Variants in SLC39A11 observed in about 807,000 individuals in gnomAD.
The protein encoded by SLC39A11 is zinc transporter ZIP11.
A neutral mutation model predicts 36.1 loss-of-function variants in SLC39A11; 33 were observed. That is an observed-to-expected ratio of 0.91 (90% CI 0.69 to 1.22). The LOEUF is 1.22. SLC39A11 is among the 50% of genes most tolerant of loss of function. SLC39A11 has a pLI of 0.00. For missense variants in SLC39A11, 432 were observed against 430.3 expected, an observed-to-expected ratio of 1.00 and a Z score of -0.03; for synonymous variants, 166 against 170.3, an observed-to-expected ratio of 0.97 and a Z score of 0.20.
At chr17:73,079,807 CAAGATT>C in intron 3 of SLC39A11, among the ~76,000 whole-genome samples, 1 of 152,262 alleles carries the variant, frequency 6.6e-6, no homozygotes, top group Non-Finnish European at 1.5e-5. Context: ...TTTCAGGATA[CAAGATT>C]AATGTATACA....
At chr17:72,779,329 G>A (rs1410285579) in intron 6 of SLC39A11, among the ~76,000 whole-genome samples, 2 of 152,110 alleles carry the variant, frequency 1.3e-5, no homozygotes, top group African/African-American at 2.4e-5. Context: ...GGAGGCTGAG[G>A]AAGGAGAATC....
chr17:72,851,751 T>C (rs2079339170), intron 5 of SLC39A11, among the ~76,000 whole-genome samples: 1 of 152,194 alleles, frequency 6.6e-6, no homozygotes, highest in Non-Finnish European at 1.5e-5. Flanking sequence ...AATGCCTAAC[T>C]GTAACCAATT....
chr17:72,991,466 TC>T (rs1291568878), intron 4 of SLC39A11, among the ~76,000 whole-genome samples: 1 of 152,254 alleles, frequency 6.6e-6, no homozygotes, highest in Admixed American at 6.5e-5. Flanking sequence ...GAAGCAATTC[TC>T]CTGCCTCAGC....
intron 7 of SLC39A11, among the ~76,000 whole-genome samples, chr17:72,729,159 A>G (rs2074049833): frequency 6.6e-6 from 1 of 151,874 alleles, no homozygotes; most frequent in South Asian, 2.1e-4. Flanking sequence ...TCTTGCCTGC[A>G]TCGGAACCCA....
chr17:73,059,990 AC>A (rs1480598945), intron 3 of SLC39A11, among the ~76,000 whole-genome samples: 1 of 151,976 alleles, frequency 6.6e-6, no homozygotes, highest in East Asian at 1.9e-4. Flanking sequence ...CAGGTGGATC[AC>A]CTGAGGTCAG....
chr17:72,952,253 T>C (rs982871835), intron 4 of SLC39A11, among the ~76,000 whole-genome samples: 1 of 152,208 alleles, frequency 6.6e-6, no homozygotes, highest in Non-Finnish European at 1.5e-5. Flanking sequence ...CAGGGCTCTT[T>C]TTAGACACCT....
At chr17:72,914,146 C>T (rs527886921) in intron 5 of SLC39A11, among the ~76,000 whole-genome samples, 1 of 151,914 alleles carries the variant, frequency 6.6e-6, no homozygotes, top group Non-Finnish European at 1.5e-5. Context: ...GAAACCCTGT[C>T]TCTACCAAAA....
At chr17:72,862,649 T>C (rs1364100031) in intron 5 of SLC39A11, among the ~76,000 whole-genome samples, 1 of 152,134 alleles carries the variant, frequency 6.6e-6, no homozygotes, top group Non-Finnish European at 1.5e-5. Context: ...CCATTTCAGC[T>C]ACGGGCAGAC....
At chr17:72,934,213 A>G (rs1038325588) in intron 5 of SLC39A11, among the ~76,000 whole-genome samples, 2 of 151,412 alleles carry the variant, frequency 1.3e-5, no homozygotes, top group African/African-American at 4.8e-5. Flanking sequence ...TTCATAAAAC[A>G]AAAAAAAAGA....
chr17:72,781,189 G>A (rs1197251372), intron 6 of SLC39A11, among the ~76,000 whole-genome samples: 1 of 152,020 alleles, frequency 6.6e-6, no homozygotes, highest in Non-Finnish European at 1.5e-5. Flanking sequence ...GAAAACCTGG[G>A]AAACTCAACA....
At chr17:72,910,623 CAAAAAAAA>C (rs759842114) in intron 5 of SLC39A11, among the ~76,000 whole-genome samples, 6 of 50,014 alleles carry the variant, frequency 1.2e-4, no homozygotes, top group African/African-American at 5.7e-4. Flanking sequence ...GACTCCGTCT[CAAAAAAAA>C]AAAAAAAAAA....
At chr17:72,754,024 A>G (rs1161510834) in intron 6 of SLC39A11, among the ~76,000 whole-genome samples, 18 of 25,120 alleles carry the variant, frequency 7.2e-4, no homozygotes, top group East Asian at 2.5e-3. Flanking sequence ...ATATATGTAT[A>G]TATATATATA....
intron 7 of SLC39A11, among the ~76,000 whole-genome samples, chr17:72,680,765 T>C (rs543017761): frequency 6.6e-6 from 1 of 152,362 alleles, no homozygotes; most frequent in East Asian, 1.9e-4. Flanking sequence ...GGTTCATCCA[T>C]ATTGAATCAT....
rs1462335159 is a variant in SLC39A11 at position 73,006,405 on chromosome 17, C to A, written c.306+25151G>T. ...AATCCAGCCAGTTTTGTACAGCCCACGAGCTAAGGATGTGTTTTACATTTT... is the reference window on the plus strand; with the variant it reads ...AATCCAGCCAGTTTTGTACAGCCCAAGAGCTAAGGATGTGTTTTACATTTT... On this transcript the variant is annotated intron_variant, in intron 4 of 9. Coordinates refer to ENST00000255559, the MANE Select transcript of SLC39A11 (RefSeq NM_139177.4). Among the ~76,000 whole-genome samples the A allele has an allele frequency of 4.6e-5, 7 of 151,724 alleles. 1 individual carries two copies. Among genetic ancestry groups the A allele is most frequent in the African/African-American group, 2.4e-5 (1 of 41,238 alleles).
intron 5 of SLC39A11, among the ~76,000 whole-genome samples, chr17:72,876,725 T>G (rs1306693254): frequency 6.6e-6 from 1 of 152,190 alleles, no homozygotes; most frequent in Admixed American, 6.5e-5. Context: ...CACACATGGT[T>G]CCATTTCTTC....
At chr17:73,037,020 A>AAC (rs370793252) in intron 3 of SLC39A11, among the ~76,000 whole-genome samples, 145,267 of 152,164 alleles carry the variant, frequency 0.95, 69,717 homozygotes, top group East Asian at 1. Context: ...CTTGGTTTTT[A>AAC]ATGCATTTAA....
chr17:72,900,068 G>GAGAGAGAA (rs545652642), intron 5 of SLC39A11, among the ~76,000 whole-genome samples: 1 of 147,412 alleles, frequency 6.8e-6, no homozygotes, highest in Non-Finnish European at 1.5e-5. Flanking sequence ...AAGAAAGAGA[G>GAGAGAGAA]AGAGAGAAAG....
At chr17:72,700,006 C>T (rs953723394) in intron 7 of SLC39A11, among the ~76,000 whole-genome samples, 10 of 140,374 alleles carry the variant, frequency 7.1e-5, no homozygotes, top group African/African-American at 1.8e-4. Flanking sequence ...CTTCTGGTAC[C>T]TGACTTATGG....
chr17:72,694,360 G>C (rs1164373525), intron 7 of SLC39A11, among the ~76,000 whole-genome samples: 1 of 152,192 alleles, frequency 6.6e-6, no homozygotes, highest in African/African-American at 2.4e-5. Context: ...GCTAGAATTG[G>C]CTCCTTAGGA....
Sources: gnomAD v4.1 joint callset for allele counts (sites outside exome capture counted in the v4.1 genomes callset) on GRCh38, gnomAD v4.1.1 for gene constraint, MANE v1.5 for transcripts, NCBI Gene and HGNC (gene_info 2026-07-23, HGNC 2026-07-21) for gene names.